Variants in DOCK4 observed in about 807,000 individuals in gnomAD.
DOCK4 encodes the protein dedicator of cytokinesis 4.
In DOCK4, 97 loss-of-function variants were observed where a neutral mutation model predicts 268.1. That is an observed-to-expected ratio of 0.36 (90% CI 0.31 to 0.43). The LOEUF (loss-of-function observed/expected upper bound fraction) is 0.43, where lower values mean the gene tolerates loss of function less well. DOCK4 is among the 20% of genes least tolerant of loss of function. The pLI is 1.00. For missense variants in DOCK4, 2,145 were observed against 2,455.7 expected (o/e 0.87, Z 2.67); for synonymous variants, 954 against 887.2 (o/e 1.08, Z -1.34).
rs567990741 is a variant in DOCK4, at chr7:112,134,298, A to G, written c.37+71804T>C. Among the ~76,000 whole-genome samples the G allele has an allele frequency of 3.3e-5, 5 of 152,312 alleles. No homozygotes were observed. The South Asian group carries it at 1.0e-3, about 32-fold the overall frequency. On this transcript the variant is annotated intron_variant, in intron 1 of 52. Transcript: ENST00000428084. ...TGCGAGAGGTAAACACCCTATGCCA[A>G]ACCATCAAAAACCCTATACATCTCA... is the stretch of plus-strand genomic sequence containing the variant.
Position 111,863,380 on chromosome 7 carries a change from G to T in DOCK4, c.2465C>A (p.Thr822Asn). 2 of 1,613,978 alleles carry T rather than the reference G, an allele frequency of 1.2e-6. No homozygotes were observed. The highest frequency in any genetic ancestry group is 1.7e-6 in the Non-Finnish European group (2 of 1,179,894). The change falls in exon 23 of 53, where the codon ACC (threonine) becomes AAC (asparagine). Residue 822 changes from threonine (T) to asparagine (N), a missense_variant. This residue lies in a region of DOCK4 where 1,598 missense variants were observed against 1,986.7 expected (regional missense o/e 0.80). Transcript: ENST00000428084. The part of the protein sequence containing the change: ...IGKTVESQLY[T>N]NPDSRYILLP... ...CAAGAGACTCACCCTACCTGGGTTG[G>T]TATAAAGCTGGCTTTCCACGGTTTT... is the stretch of plus-strand genomic sequence containing the variant.
intron 16 of DOCK4, among the ~76,000 whole-genome samples, chr7:111,887,253 T>C (rs951535778): frequency 6.6e-6 from 1 of 152,190 alleles, no homozygotes; most frequent in South Asian, 2.1e-4. Flanking sequence ...GTTTTGGATA[T>C]GCTGAGTGTG....
intron 12 of DOCK4, among the ~76,000 whole-genome samples, chr7:111,929,119 T>TATATGTGTATATATGTAC (rs967391686): frequency 6.6e-6 from 1 of 152,178 alleles, no homozygotes; most frequent in African/African-American, 2.4e-5. Flanking sequence ...TATAGATGTG[T>TATATGTGTATATATGTAC]ATATGTGTAT....
At chr7:111,998,356 A>G (rs1800137454) in intron 4 of DOCK4, 92 bp downstream of exon 4, 2 of 1,024,984 alleles carry the variant, frequency 2.0e-6, no homozygotes, top group Admixed American at 2.8e-5. Flanking sequence ...TCTACAGTTC[A>G]TTTTTCAAGA....
chr7:111,828,673 G>T (rs1802578823), intron 26 of DOCK4, among the ~76,000 whole-genome samples: 1 of 151,616 alleles, frequency 6.6e-6, no homozygotes, highest in African/African-American at 2.4e-5. Flanking sequence ...CAGCAATATG[G>T]GTACAAGTCC....
chr7:111,828,363 C>T (rs1802560063), intron 26 of DOCK4, among the ~76,000 whole-genome samples: 1 of 152,098 alleles, frequency 6.6e-6, no homozygotes, highest in African/African-American at 2.4e-5. Flanking sequence ...TCAGCAGTAA[C>T]CCTGGAGGCA....
chr7:111,734,993 C>T, intron 51 of DOCK4, 61 bp downstream of exon 51: 1 of 1,315,902 alleles, frequency 7.6e-7, no homozygotes, highest in Non-Finnish European at 1.1e-6. Context: ...TCAGGACAAA[C>T]TGGAGTAGTC....
chr7:112,140,916 C>T (rs1259158570), intron 1 of DOCK4, among the ~76,000 whole-genome samples: 3 of 152,148 alleles, frequency 2.0e-5, no homozygotes, highest in Non-Finnish European at 2.9e-5. Context: ...AGAGCACACA[C>T]CTGTACACCT....
intron 7 of DOCK4, among the ~76,000 whole-genome samples, chr7:111,978,089 G>A (rs954416713): frequency 6.6e-6 from 1 of 152,102 alleles, no homozygotes; most frequent in African/African-American, 2.4e-5. Context: ...ACCAAGCCCT[G>A]GGAACACAAT....
At position 111,809,293 on chromosome 7, in the gene DOCK4, A is replaced by G. The variant is rs1432316183; in HGVS notation, c.3107+8T>C. The G allele has an allele frequency of 3.2e-6, 5 of 1,545,092 alleles. No homozygotes were observed. The highest frequency in any genetic ancestry group is 4.4e-6 in the Non-Finnish European group (5 of 1,140,154). Reference sequence around the variant, plus strand: ...ACATTTCTCACCTGATTATACACTGATACTTACTTTTCTAACACCTTTTTC... The same window carrying G: ...ACATTTCTCACCTGATTATACACTGGTACTTACTTTTCTAACACCTTTTTC... On this transcript the variant is annotated splice_region_variant and intron_variant, in intron 29 of 52. Transcript: ENST00000428084.
At chr7:111,767,348 T>G (rs1652988154) in intron 37 of DOCK4, among the ~76,000 whole-genome samples, 2 of 151,230 alleles carry the variant, frequency 1.3e-5, no homozygotes, top group African/African-American at 4.9e-5. Flanking sequence ...TGCTTCAGCC[T>G]CCTGAGTAGC....
chr7:112,125,352 G>C (rs1216534505), intron 1 of DOCK4, among the ~76,000 whole-genome samples: 1 of 152,074 alleles, frequency 6.6e-6, no homozygotes, highest in Non-Finnish European at 1.5e-5. Flanking sequence ...ATTATTCAGA[G>C]TCTTTCTTTC....
intron 1 of DOCK4, among the ~76,000 whole-genome samples, chr7:112,192,275 G>A (rs951333059): frequency 2.6e-5 from 4 of 151,972 alleles, no homozygotes; most frequent in African/African-American, 9.7e-5. Flanking sequence ...GAGGGGACAA[G>A]GGGGAGGGGA....
At position 111,979,118 on chromosome 7, in the gene DOCK4, G is replaced by C. The variant is rs896439652; in HGVS notation, c.550-1835C>G. Among the ~76,000 whole-genome samples, 2 of 152,136 alleles carry C rather than the reference G, an allele frequency of 1.3e-5. 1 individual carries two copies. The highest frequency in any genetic ancestry group is 3.8e-4 in the East Asian group (2 of 5,198). On this transcript the variant is annotated intron_variant, in intron 7 of 52. Coordinates refer to ENST00000428084, the MANE Select transcript of DOCK4 (RefSeq NM_001363540.2). The stretch of plus-strand genomic sequence containing the variant: ...TACGCCTTTGAGTTGAAAAACTGCC[G>C]AATGACCAAATGAAGCCAAAATGTC...
chr7:112,060,135 A>G (rs920528052), intron 1 of DOCK4, among the ~76,000 whole-genome samples: 2 of 152,188 alleles, frequency 1.3e-5, no homozygotes, highest in African/African-American at 4.8e-5. Flanking sequence ...TAGCACCTTG[A>G]AGAGAAAAAG....
chr7:111,910,371 G>T (rs1275883902), intron 13 of DOCK4, among the ~76,000 whole-genome samples: 1 of 152,210 alleles, frequency 6.6e-6, no homozygotes, highest in African/African-American at 2.4e-5. Context: ...GAGTTGGGCT[G>T]TCCAACAGGG....
intron 30 of DOCK4, among the ~76,000 whole-genome samples, chr7:111,791,377 G>T (rs1369980836): frequency 1.3e-5 from 2 of 150,858 alleles, no homozygotes; most frequent in African/African-American, 4.9e-5. Flanking sequence ...GAGATTACGG[G>T]TGATTTTTTT....
intron 6 of DOCK4, among the ~76,000 whole-genome samples, chr7:111,986,031 G>A (rs1352119784): frequency 6.6e-6 from 1 of 152,118 alleles, no homozygotes; most frequent in Non-Finnish European, 1.5e-5. Context: ...GGGAGTGGTG[G>A]TGGCAGACAA....
intron 1 of DOCK4, among the ~76,000 whole-genome samples, chr7:112,096,335 T>A (rs147261432): frequency 6.6e-6 from 1 of 152,086 alleles, no homozygotes; most frequent in East Asian, 1.9e-4. Flanking sequence ...CTCGTCTAAT[T>A]TTTTTATTTT....
Sources: allele counts gnomAD v4.1 joint callset (sites outside exome capture counted in the v4.1 genomes callset), GRCh38; gene constraint gnomAD v4.1.1; regional missense constraint gnomAD v4.1.1; transcripts MANE v1.5; gene names NCBI Gene and HGNC (gene_info 2026-07-23, HGNC 2026-07-21).